CLEC4G: variants seen among roughly 807,000 people sequenced by gnomAD.
CLEC4G encodes the protein C-type lectin domain family 4 member G.
In CLEC4G, 34 loss-of-function variants were observed where a neutral mutation model predicts 37.0. That is an observed-to-expected ratio of 0.92 (90% CI 0.70 to 1.22). The LOEUF (loss-of-function observed/expected upper bound fraction) is 1.22. Ranked by LOEUF, CLEC4G falls within the 50% of genes most tolerant of loss-of-function variation. CLEC4G has a pLI of 0.00. For missense variants in CLEC4G, 390 were observed against 392.9 expected (o/e 0.99, Z 0.06); for synonymous variants, 167 against 165.6 (o/e 1.01, Z -0.06).
rs755669938 is a variant in CLEC4G at position 7,731,054 on chromosome 19, C to A, written c.255G>T (p.Lys85Asn). Residue 85 changes from lysine (K) to asparagine (N), a missense_variant, in exon 4 of 9, where the codon AAG (lysine) becomes AAT (asparagine). Coordinates refer to ENST00000328853, the MANE Select transcript of CLEC4G (RefSeq NM_198492.4). ...AGCTGTGGCAGTCTCCGACCTCCTC[C>A]TTCAGGGCACCCAGCGCCGCCGTCT... ...SKQTAALGAL[K>N]EEVGDCHSCC... 2.5e-6 allele frequency: 4 copies of A among 1,605,652 alleles called. No individual in the cohort carries two copies. Among genetic ancestry groups the A allele is most frequent in the Non-Finnish European group, 3.4e-6 (4 of 1,179,616 alleles).
chr19:7,731,175 G>C, intron 3 of CLEC4G, 87 bp from the exon 4 acceptor site: 1 of 1,582,916 alleles, frequency 6.3e-7, no homozygotes. Flanking sequence ...GGGACCATAG[G>C]GCCCCCACGC....
In CLEC4G at chr19:7,730,067, G is replaced by A. The variant is rs1247747191; in HGVS notation, c.579C>T (p.Cys193=). The part of the protein sequence containing the change: ...KTTWAAAQDH[C]ADASAHLVIV... The stretch of plus-strand genomic sequence containing the variant: ...TCACCAGGTGCGCGCTGGCATCTGC[G>A]CAGTGATCCTGCGCCGCCGCCCACG... The change falls in exon 7 of 9, where the codon TGC becomes TGT. Residue 193 remains cysteine (C), a synonymous_variant. Transcript: ENST00000328853. The surrounding 1 kb of genome is among the most constrained non-coding windows in gnomAD (Gnocchi z 7.3). The A allele has an allele frequency of 5.6e-6, 9 of 1,605,952 alleles. No homozygotes were observed. Among genetic ancestry groups the A allele is most frequent in the Non-Finnish European group, 6.8e-6 (8 of 1,177,620 alleles).
rs1388008060 is a variant in CLEC4G, at chr19:7,731,259, C to T, written c.220+7G>A. ...CCGGGGGCCCAGGCGCCCGGCTCTG[C>T]ACACACCGTTTGTCCTCAGCAGGTC... On this transcript the variant is annotated splice_region_variant and intron_variant, in intron 3 of 8. Coordinates refer to ENST00000328853, the MANE Select transcript of CLEC4G (RefSeq NM_198492.4). 1.9e-6 allele frequency: 3 copies of T among 1,591,706 alleles called. No individual in the cohort carries two copies. The highest frequency in any genetic ancestry group is 2.6e-6 in the Non-Finnish European group (3 of 1,172,866).
chr19:7,729,701 A>C, intron 8 of CLEC4G, 120 bp downstream of exon 8: 1 of 1,505,296 alleles, frequency 6.6e-7, no homozygotes, highest in South Asian at 1.3e-5. Context: ...CCTGGGGTCC[A>C]GCCTGCCCAT....
At position 7,730,095 on chromosome 19, in the gene CLEC4G, G is replaced by A; in HGVS notation, c.551C>T (p.Thr184Met). ...GSCYFFSVPK[T>M]TWAAAQDHCA... ...GTGATCCTGCGCCGCCGCCCACGTC[G>A]TCTTTGGCACAGAGAAAAAGTAGCA... is the stretch of plus-strand genomic sequence containing the variant. Residue 184 changes from threonine to methionine, a missense_variant, in exon 7 of 9, where the codon ACG becomes ATG. Transcript: ENST00000328853. This position sits in a 1 kb window ranked among gnomAD's most constrained non-coding sequence, Gnocchi z 7.3. The A allele has an allele frequency of 1.2e-6, 2 of 1,610,934 alleles. No homozygotes were observed.
At chr19:7,731,822 G>A (rs1327220676) in intron 1 of CLEC4G, 51 bp from the exon 2 acceptor site, 23 of 1,580,284 alleles carry the variant, frequency 1.5e-5, no homozygotes, top group Non-Finnish European at 1.9e-5. Flanking sequence ...AGCCCTGGAG[G>A]CCTGAGTTAC....
Position 7,729,514 on chromosome 19 carries a change from G to A in CLEC4G, c.744-10C>T. The A allele has an allele frequency of 6.3e-7, 1 of 1,580,250 alleles. No individual in the cohort carries two copies. Among genetic ancestry groups the A allele is most frequent in the Non-Finnish European group, 8.6e-7 (1 of 1,157,666 alleles). ...TCCCTGGTTCCAGTGGCTACAGGGG[G>A]GTTGAGTGGGGGTGTTGCTGGGAAT... On this transcript the variant is annotated splice_polypyrimidine_tract_variant and intron_variant, in intron 8 of 8. Transcript: ENST00000328853.
Position 7,729,315 on chromosome 19 carries a change from C to T in CLEC4G, c.*51G>A, listed in dbSNP as rs2033390139. On this transcript the variant is annotated 3_prime_UTR_variant, in exon 9 of 9. Transcript: ENST00000328853. ...CCAGGAGCCAGGGAGGTGAGCAGCC[C>T]CCAGGATACGACATGCTGCAATGGG... 7.6e-7 allele frequency: 1 copy of T among 1,316,684 alleles called. No homozygotes were observed. The allele number at this position is 1,316,684 out of a possible 1,614,324, so 81.6% of individuals were successfully genotyped here. A position where few individuals can be genotyped will look rare whatever the true frequency, so the allele number is the denominator to read the frequency against.
rs749133901 is a variant in CLEC4G at position 7,730,994 on chromosome 19, C to G, written c.283+32G>C. 10 of 1,585,286 alleles carry G rather than the reference C, an allele frequency of 6.3e-6. No homozygotes were observed. The highest frequency in any genetic ancestry group is 1.3e-5 in the African/African-American group (1 of 74,320). On this transcript the variant is annotated intron_variant, in intron 4 of 8. Transcript: ENST00000328853. This position sits in a 1 kb window ranked among gnomAD's most constrained non-coding sequence, Gnocchi z 7.3. ...CCATCGCGGCCGCAAGACCCCATCCCTGCGCCCACAGCCTCGACCGCGCCC... is the reference window on the plus strand; with the variant it reads ...CCATCGCGGCCGCAAGACCCCATCCGTGCGCCCACAGCCTCGACCGCGCCC...
intron 2 of CLEC4G, 72 bp from the exon 3 acceptor site, chr19:7,731,391 C>A: frequency 1.3e-6 from 2 of 1,524,566 alleles, no homozygotes; most frequent in Non-Finnish European, 1.8e-6. Flanking sequence ...GGTGCAGCGT[C>A]CCCCAACTCG....
Position 7,729,115 on chromosome 19 carries a change from CAGGG to C in CLEC4G, c.*247_*250del. On this transcript the variant is annotated 3_prime_UTR_variant, in exon 9 of 9. Coordinates refer to ENST00000328853, the MANE Select transcript of CLEC4G (RefSeq NM_198492.4). ...GAGGCATATCACGGGGACGCAGGAG[CAGGG>C]ATTTTGGAGCTAGTGGAGGTTAGGT... The C allele has an allele frequency of 6.3e-6, 4 of 632,866 alleles. No individual in the cohort carries two copies. The highest frequency in any genetic ancestry group is 2.1e-5 in the Admixed American group (1 of 47,586). The allele number at this position is 632,866 out of a possible 1,614,324, so 39.2% of individuals were successfully genotyped here.
At position 7,729,133 on chromosome 19, in the gene CLEC4G, T is replaced by G; in HGVS notation, c.*233A>C. The G allele has an allele frequency of 1.5e-6, 1 of 650,736 alleles. No individual in the cohort carries two copies. The highest frequency in any genetic ancestry group is 2.4e-4 in the Middle Eastern group (1 of 4,116). 40.3% of individuals were successfully genotyped at this position (650,736 alleles called of 1,614,324 possible). ...GCAGGAGCAGGGATTTTGGAGCTAG[T>G]GGAGGTTAGGTTGGGTCTGCGTGAG... On this transcript the variant is annotated 3_prime_UTR_variant, in exon 9 of 9. Coordinates refer to ENST00000328853, the MANE Select transcript of CLEC4G (RefSeq NM_198492.4).
chr19:7,730,005 C>A lies in CLEC4G; in HGVS notation c.627+14G>T. The A allele has an allele frequency of 6.3e-7, 1 of 1,596,854 alleles. No individual in the cohort carries two copies. Among genetic ancestry groups the A allele is most frequent in the Non-Finnish European group, 8.5e-7 (1 of 1,173,102 alleles). On this transcript the variant is annotated intron_variant, in intron 7 of 8. Transcript: ENST00000328853. The surrounding 1 kb of genome is among the most constrained non-coding windows in gnomAD (Gnocchi z 7.3). ...CTGCCCCACCGCCTGACCACGCCCC[C>A]TCCCCCTGCGCACCTGCTCATCCAG...
chr19:7,731,439 G>T (rs985882694), intron 2 of CLEC4G, 120 bp from the exon 3 acceptor site: 5 of 1,491,060 alleles, frequency 3.4e-6, no homozygotes, highest in Non-Finnish European at 2.7e-6. Flanking sequence ...CAGCTCACAC[G>T]ATGTGCACAC....
In CLEC4G at chr19:7,730,824, C is replaced by T; in HGVS notation, c.319G>A (p.Ala107Thr). 1.3e-6 allele frequency: 2 copies of T among 1,532,372 alleles called. No individual in the cohort carries two copies. Among genetic ancestry groups the T allele is most frequent in the Non-Finnish European group, 1.7e-6 (2 of 1,145,844 alleles). The allele number at this position is 1,532,372 out of a possible 1,614,324, so 94.9% of individuals were successfully genotyped here. A position where few individuals can be genotyped will look rare whatever the true frequency, so the allele number is the denominator to read the frequency against. ...GTQAQLQTTR[A>T]ELGEAQAKLM... ...TTCGCCTGCGCCTCCCCAAGCTCCG[C>T]GCGCGTGGTCTGCAGCTGCGCCTGC... is the stretch of plus-strand genomic sequence containing the variant. Residue 107 changes from alanine to threonine, a missense_variant, in exon 5 of 9, where the codon GCG (alanine) becomes ACG (threonine). Ala to Thr is a moderately conservative substitution (Grantham distance 58). Transcript: ENST00000328853. The surrounding 1 kb of genome is among the most constrained non-coding windows in gnomAD (Gnocchi z 7.3).
Position 7,731,258 on chromosome 19 carries a change from G to C in CLEC4G, c.220+8C>G. ...CCCGGGGGCCCAGGCGCCCGGCTCT[G>C]CACACACCGTTTGTCCTCAGCAGGT... is the stretch of plus-strand genomic sequence containing the variant. On this transcript the variant is annotated splice_region_variant and intron_variant, in intron 3 of 8. Transcript: ENST00000328853. 2 of 1,591,640 alleles carry C rather than the reference G, an allele frequency of 1.3e-6. No individual in the cohort carries two copies. Among genetic ancestry groups the C allele is most frequent in the Non-Finnish European group, 1.7e-6 (2 of 1,172,782 alleles).
At chr19:7,731,378 G>T (rs1011147519) in intron 2 of CLEC4G, 59 bp from the exon 3 acceptor site, 6 of 1,528,722 alleles carry the variant, frequency 3.9e-6, no homozygotes, top group East Asian at 2.4e-5. Context: ...CCCTCGCCCG[G>T]GGGGTGCAGC....
rs1423893612 is a variant in CLEC4G, at chr19:7,730,954, G to A, written c.283+72C>T. The A allele has an allele frequency of 7.6e-5, 94 of 1,232,638 alleles. No individual in the cohort carries two copies. The East Asian group carries it at 3.8e-3, about 50-fold the overall frequency. The allele number at this position is 1,232,638 out of a possible 1,614,324, so 76.4% of individuals were successfully genotyped here. A position where few individuals can be genotyped will look rare whatever the true frequency, so the allele number is the denominator to read the frequency against. On this transcript the variant is annotated intron_variant, in intron 4 of 8. Transcript: ENST00000328853. This position sits in a 1 kb window ranked among gnomAD's most constrained non-coding sequence, Gnocchi z 7.3. ...CCCGCACCACCCGCCGCAGGCCTCCGCCCCGGCCCCCCTCCCATCGCGGCC... is the reference window on the plus strand; with the variant it reads ...CCCGCACCACCCGCCGCAGGCCTCCACCCCGGCCCCCCTCCCATCGCGGCC...
intron 1 of CLEC4G, 87 bp downstream of exon 1, chr19:7,731,958 CACA>C (rs2033439886): frequency 6.8e-7 from 1 of 1,461,742 alleles, no homozygotes; most frequent in Admixed American, 1.7e-5. Flanking sequence ...CTCCTGCACC[CACA>C]ACCCTGGCCT....
Sources: gnomAD v4.1 joint callset for allele counts on GRCh38, gnomAD v4.1.1 for gene constraint, Gnocchi (gnomAD v3.1) non-coding constraint, MANE v1.5 for transcripts, NCBI Gene and HGNC (gene_info 2026-07-23, HGNC 2026-07-21) for gene names.